NYAP2: variants seen among roughly 807,000 people sequenced by gnomAD.
NYAP2 encodes neuronal tyrosine-phosphorylated phosphoinositide-3-kinase adapter 2.
In NYAP2, 23 loss-of-function variants were observed where a neutral mutation model predicts 50.4. That is an observed-to-expected ratio of 0.46 (90% CI 0.33 to 0.65). NYAP2 has a LOEUF of 0.65. NYAP2 is among the 30% of genes least tolerant of loss of function. The pLI is 0.02. For missense variants in NYAP2, 885 were observed against 861.0 expected, an observed-to-expected ratio of 1.03 and a Z score of -0.35; for synonymous variants, 394 against 365.2, an observed-to-expected ratio of 1.08 and a Z score of -0.90.
intron 3 of NYAP2, among the ~76,000 whole-genome samples, chr2:225,447,966 T>A (rs1170216390): frequency 1.3e-5 from 2 of 152,084 alleles, no homozygotes; most frequent in Non-Finnish European, 2.9e-5. Flanking sequence ...AGAACTCAGG[T>A]GGGGATTCCA....
chr2:225,468,674 C>T (rs1356181177), intron 3 of NYAP2, among the ~76,000 whole-genome samples: 1 of 152,034 alleles, frequency 6.6e-6, no homozygotes, highest in Non-Finnish European at 1.5e-5. Context: ...GGAAATTAAC[C>T]TACAGCAATA....
intron 3 of NYAP2, among the ~76,000 whole-genome samples, chr2:225,429,447 C>T (rs1346445631): frequency 2.6e-5 from 4 of 152,252 alleles, no homozygotes; most frequent in Non-Finnish European, 4.4e-5. Context: ...TTCAGTATAC[C>T]TGGAATTCCT....
At chr2:225,518,567 T>TATAA (rs1203016686) in intron 4 of NYAP2, among the ~76,000 whole-genome samples, 2,377 of 25,452 alleles carry the variant, frequency 0.093, 788 homozygotes, top group East Asian at 0.2. Flanking sequence ...TATATATATA[T>TATAA]ATTAGCGTGT....
At chr2:225,503,262 C>T (rs191917202) in intron 3 of NYAP2, among the ~76,000 whole-genome samples, 18 of 152,274 alleles carry the variant, frequency 1.2e-4, no homozygotes, top group Admixed American at 9.8e-4. Flanking sequence ...AGATCTCCCA[C>T]GATGTGAACT....
chr2:225,552,257 T>C (rs1691691310), intron 4 of NYAP2, among the ~76,000 whole-genome samples: 1 of 152,210 alleles, frequency 6.6e-6, no homozygotes, highest in African/African-American at 2.4e-5. Context: ...ATAAAAACGA[T>C]ACATGATACT....
At chr2:225,407,641 T>G (rs1694964534) in intron 2 of NYAP2, among the ~76,000 whole-genome samples, 1 of 151,854 alleles carries the variant, frequency 6.6e-6, no homozygotes, top group Non-Finnish European at 1.5e-5. Flanking sequence ...AGTCTGGGAG[T>G]TTTACATCAA....
At chr2:225,413,486 G>T (rs1350785162) in intron 3 of NYAP2, among the ~76,000 whole-genome samples, 1 of 151,968 alleles carries the variant, frequency 6.6e-6, no homozygotes, top group Non-Finnish European at 1.5e-5. Context: ...TGATTCATAT[G>T]GTGACTGGAT....
chr2:225,570,868 A>T (rs1196865764), intron 4 of NYAP2, among the ~76,000 whole-genome samples: 1 of 152,230 alleles, frequency 6.6e-6, no homozygotes, highest in African/African-American at 2.4e-5. Flanking sequence ...GAGACAAGGC[A>T]AGTCCCTTCC....
intron 4 of NYAP2, among the ~76,000 whole-genome samples, chr2:225,571,616 C>A (rs569385647): frequency 6.6e-6 from 1 of 152,194 alleles, no homozygotes; most frequent in Non-Finnish European, 1.5e-5. Context: ...TGCAGGGCAC[C>A]ATATCCTGAG....
chr2:225,404,718 T>C (rs1694911801), intron 2 of NYAP2, among the ~76,000 whole-genome samples: 1 of 151,972 alleles, frequency 6.6e-6, no homozygotes, highest in Admixed American at 6.6e-5. Flanking sequence ...AAAATAAAGC[T>C]GAACAATTAA....
chr2:225,539,675 A>G (rs1356622552), intron 4 of NYAP2, among the ~76,000 whole-genome samples: 1 of 150,840 alleles, frequency 6.6e-6, no homozygotes, highest in Non-Finnish European at 1.5e-5. Context: ...TCCTTTGACC[A>G]CTTTTTGTTG....
At chr2:225,591,414 A>G (rs1692502532) in intron 5 of NYAP2, among the ~76,000 whole-genome samples, 1 of 152,156 alleles carries the variant, frequency 6.6e-6, no homozygotes. Flanking sequence ...CTCAGGAACA[A>G]TAGCAAGACC....
At chr2:225,687,964 T>G in the NYAP2 span, among the ~76,000 whole-genome samples, 1 of 152,178 alleles carries the variant, frequency 6.6e-6, no homozygotes, top group African/African-American at 2.4e-5. Context: ...AATAAAACTA[T>G]AACTGCTTAA....
intron 3 of NYAP2, among the ~76,000 whole-genome samples, chr2:225,457,922 G>A (rs1689765496): frequency 1.3e-5 from 2 of 152,060 alleles, no homozygotes; most frequent in Admixed American, 1.3e-4. Context: ...TAGAACAAAA[G>A]CATTTGGTCA....
chr2:225,673,240 C>G, the NYAP2 span, among the ~76,000 whole-genome samples: 2 of 152,006 alleles, frequency 1.3e-5, no homozygotes, highest in African/African-American at 2.4e-5. Flanking sequence ...CTTCAATTAC[C>G]TCCCACCAGG....
intron 5 of NYAP2, among the ~76,000 whole-genome samples, chr2:225,610,494 AG>A (rs1443085346): frequency 6.6e-6 from 1 of 152,196 alleles, no homozygotes; most frequent in East Asian, 1.9e-4. Flanking sequence ...GTGAATTTTA[AG>A]GGGAGTCAAA....
chr2:225,515,189 A>C lies in NYAP2; in HGVS notation c.523+1517A>C, dbSNP rs114414790. ...GTGGCTTCAGTTTTTCCTGCTATAC[A>C]TATGCAAAAAATGCCTTGCATGTAA... On this transcript the variant is annotated intron_variant, in intron 4 of 6. Transcript: ENST00000636099. Among the ~76,000 whole-genome samples, 341 of 152,374 alleles carry C rather than the reference A, an allele frequency of 2.2e-3. 2 individuals are homozygous for C. The highest frequency in any genetic ancestry group is 7.9e-3 in the African/African-American group (330 of 41,592).
intron 3 of NYAP2, among the ~76,000 whole-genome samples, chr2:225,488,038 G>A (rs1392493298): frequency 6.6e-6 from 1 of 152,172 alleles, no homozygotes; most frequent in African/African-American, 2.4e-5. Flanking sequence ...CATTCACAAA[G>A]TTCTCTTTGT....
intron 3 of NYAP2, among the ~76,000 whole-genome samples, chr2:225,436,500 T>C (rs1403465184): frequency 6.6e-6 from 1 of 152,248 alleles, no homozygotes; most frequent in African/African-American, 2.4e-5. Flanking sequence ...CCCTTTGTAA[T>C]AACGACACCA....
Sources: allele counts gnomAD v4.1 joint callset (sites outside exome capture counted in the v4.1 genomes callset), GRCh38; gene constraint gnomAD v4.1.1; transcripts MANE v1.5; gene names NCBI Gene and HGNC (gene_info 2026-07-23, HGNC 2026-07-21).